Variants in PCED1B observed in about 807,000 individuals in gnomAD.
PCED1B encodes PC-esterase domain containing 1B.
For synonymous variants in PCED1B, 251 were observed against 246.1 expected (o/e 1.02, Z -0.19); for missense variants, 573 against 573.9 (o/e 1.00, Z 0.02).
At chr12:47,120,180 A>T (rs1304070691) in intron 2 of PCED1B, among the ~76,000 whole-genome samples, 7 of 152,172 alleles carry the variant, frequency 4.6e-5, no homozygotes, top group Non-Finnish European at 8.8e-5. Context: ...AAAAATTCAG[A>T]TAACAAATGT....
At chr12:47,224,603 T>C (rs1943579379) in intron 3 of PCED1B, among the ~76,000 whole-genome samples, 1 of 152,216 alleles carries the variant, frequency 6.6e-6, no homozygotes, top group African/African-American at 2.4e-5. Context: ...TTTGAAGATC[T>C]TTATTCTAGT....
In PCED1B at chr12:47,235,743, G is replaced by T. The variant is rs771120281; in HGVS notation, c.680G>T (p.Trp227Leu). 3.7e-6 allele frequency: 6 copies of T among 1,604,654 alleles called. No homozygotes were observed. In the African/African-American group the frequency reaches 5.4e-5, roughly 14 times the overall value. Residue 227 changes from tryptophan (W) to leucine (L), a missense_variant, in exon 4 of 4, where the codon TGG becomes TTG. Transcript: ENST00000546455. ...CGCCACGCGAGGGAGAACCTGCACT[G>T]GGACGGGGTGCACTGGAATGGACGT... The part of the protein sequence containing the change: ...HFRHARENLH[W>L]DGVHWNGRVH...
intron 2 of PCED1B, among the ~76,000 whole-genome samples, chr12:47,168,471 C>T (rs1941616721): frequency 1.3e-5 from 2 of 152,050 alleles, no homozygotes; most frequent in Admixed American, 6.6e-5. Flanking sequence ...CTTTTTAGGT[C>T]TATTTATCCT....
chr12:47,086,896 A>G (rs1938014612), intron 1 of PCED1B, among the ~76,000 whole-genome samples: 1 of 152,242 alleles, frequency 6.6e-6, no homozygotes, highest in Non-Finnish European at 1.5e-5. Flanking sequence ...TGTAGCAGTA[A>G]CTAATTTATC....
chr12:47,219,096 G>T (rs3108222), intron 3 of PCED1B, among the ~76,000 whole-genome samples: 22,190 of 151,902 alleles, frequency 0.15, 3,498 homozygotes, highest in African/African-American at 0.4. Context: ...AGCCAAGATT[G>T]CACCACTGCA....
intron 2 of PCED1B, among the ~76,000 whole-genome samples, chr12:47,125,948 T>C (rs1365261817): frequency 6.6e-6 from 1 of 151,732 alleles, no homozygotes. Context: ...AGAAATAAAC[T>C]CAATTTTATT....
chr12:47,218,984 T>C (rs1057023789), intron 3 of PCED1B, among the ~76,000 whole-genome samples: 3 of 151,972 alleles, frequency 2.0e-5, no homozygotes, highest in African/African-American at 7.2e-5. Flanking sequence ...CTACTAAAAA[T>C]AGAACAATTA....
intron 2 of PCED1B, among the ~76,000 whole-genome samples, chr12:47,168,317 T>C (rs556601162): frequency 6.6e-6 from 1 of 152,346 alleles, no homozygotes; most frequent in East Asian, 1.9e-4. Context: ...TGCAAGAACA[T>C]CATTTATTCC....
At chr12:47,182,602 G>GA (rs1287037472) in intron 2 of PCED1B, among the ~76,000 whole-genome samples, 3 of 145,594 alleles carry the variant, frequency 2.1e-5, no homozygotes, top group Admixed American at 6.8e-5. Flanking sequence ...AAAAAAAAAA[G>GA]AAAAAAAAAG....
At chr12:47,113,001 T>A (rs902764620) in intron 2 of PCED1B, among the ~76,000 whole-genome samples, 1 of 152,204 alleles carries the variant, frequency 6.6e-6, no homozygotes, top group Admixed American at 6.5e-5. Context: ...TCTTGTTAGG[T>A]TTGCCTTTAC....
chr12:47,193,229 T>G (rs1225767340), intron 2 of PCED1B, among the ~76,000 whole-genome samples: 1 of 152,228 alleles, frequency 6.6e-6, no homozygotes, highest in Non-Finnish European at 1.5e-5. Flanking sequence ...TCAGAGAGGT[T>G]GAGTAACTGA....
Position 47,153,092 on chromosome 12 carries a change from G to A in PCED1B, c.-526+48897G>A, listed in dbSNP as rs992721177. Among the ~76,000 whole-genome samples, 3 of 152,004 alleles carry A rather than the reference G, an allele frequency of 2.0e-5. No individual in the cohort carries two copies. In the East Asian group the frequency reaches 5.8e-4, roughly 30 times the overall value. On this transcript the variant is annotated intron_variant, in intron 2 of 3. Transcript: ENST00000546455. ...AGGCCGGGCACAGTGGCTCACGCCTGTAATCCCAGCACTTTGGGAGGCTGA... is the reference window on the plus strand; with the variant it reads ...AGGCCGGGCACAGTGGCTCACGCCTATAATCCCAGCACTTTGGGAGGCTGA...
rs977251094 is a variant in PCED1B, at chr12:47,108,528, T to C, written c.-526+4333T>C. Among the ~76,000 whole-genome samples the C allele has an allele frequency of 8.5e-5, 13 of 152,198 alleles. 1 individual carries two copies. The highest frequency in any genetic ancestry group is 8.5e-4 in the Admixed American group (13 of 15,280). On this transcript the variant is annotated intron_variant, in intron 2 of 3. Coordinates refer to ENST00000546455, the MANE Select transcript of PCED1B (RefSeq NM_138371.3). ...AGGCTTGTATGATCATCTTTGTACT[T>C]TTCCTAATCTTTTCGATTAAATTGC...
chr12:47,110,280 G>A (rs1455729631), intron 2 of PCED1B, among the ~76,000 whole-genome samples: 4 of 152,256 alleles, frequency 2.6e-5, no homozygotes, highest in East Asian at 3.9e-4. Context: ...CCCACTTTGA[G>A]GTTAAAAACA....
At chr12:47,099,464 CT>C (rs1221168454) in intron 1 of PCED1B, among the ~76,000 whole-genome samples, 6 of 152,210 alleles carry the variant, frequency 3.9e-5, no homozygotes, top group African/African-American at 1.2e-4. Flanking sequence ...TGGTTTTATA[CT>C]CACTGCTCTC....
chr12:47,194,773 A>G (rs1417181321), intron 2 of PCED1B, among the ~76,000 whole-genome samples: 1 of 152,154 alleles, frequency 6.6e-6, no homozygotes, highest in Non-Finnish European at 1.5e-5. Context: ...AGAAGCAGCA[A>G]TATGTGGCCA....
intron 2 of PCED1B, among the ~76,000 whole-genome samples, chr12:47,172,233 T>C (rs558594905): frequency 6.6e-6 from 1 of 152,302 alleles, no homozygotes; most frequent in South Asian, 2.1e-4. Flanking sequence ...GCTCCTTATT[T>C]TGAGATACTT....
chr12:47,160,093 CTG>C (rs1941319670), intron 2 of PCED1B, among the ~76,000 whole-genome samples: 1 of 152,004 alleles, frequency 6.6e-6, no homozygotes, highest in South Asian at 2.1e-4. Flanking sequence ...TTCCATTGGC[CTG>C]TGTGTCTGTC....
chr12:47,221,077 AGAT>A (rs1943462466), intron 3 of PCED1B, among the ~76,000 whole-genome samples: 1 of 152,234 alleles, frequency 6.6e-6, no homozygotes, highest in Non-Finnish European at 1.5e-5. Context: ...TTTAAAACCT[AGAT>A]GATGAAGTTT....
Sources: allele counts gnomAD v4.1 joint callset (sites outside exome capture counted in the v4.1 genomes callset), GRCh38; gene constraint gnomAD v4.1.1; transcripts MANE v1.5; gene names NCBI Gene and HGNC (gene_info 2026-07-23, HGNC 2026-07-21).